The following PPARGC1A variants were observed in gnomAD, a reference collection of about 807,000 sequenced individuals.
PPARGC1A encodes peroxisome proliferator-activated receptor gamma coactivator 1-alpha.
A neutral mutation model predicts 88.7 loss-of-function variants in PPARGC1A; 25 were observed. That is an observed-to-expected ratio of 0.28 (90% CI 0.21 to 0.39). PPARGC1A has a LOEUF of 0.39. Ranked by LOEUF, PPARGC1A falls within the 10% of genes least tolerant of loss-of-function variation. The pLI is 1.00. For synonymous variants in PPARGC1A, 363 were observed against 355.6 expected, an observed-to-expected ratio of 1.02 and a Z score of -0.24; for missense variants, 880 against 968.7, an observed-to-expected ratio of 0.91 and a Z score of 1.22.
At chr4:23,878,380 C>T (rs1235399837) in intron 2 of PPARGC1A, among the ~76,000 whole-genome samples, 1 of 149,466 alleles carries the variant, frequency 6.7e-6, no homozygotes, top group Non-Finnish European at 1.5e-5. Flanking sequence ...CCAATTTCAT[C>T]TCTCCTAGCC....
the PPARGC1A span, among the ~76,000 whole-genome samples, chr4:23,911,140 A>C: frequency 6.6e-6 from 1 of 152,156 alleles, no homozygotes; most frequent in Non-Finnish European, 1.5e-5. Context: ...ACATAGTGAA[A>C]TGCAACAGAG....
chr4:24,270,428 AG>A, the PPARGC1A span, among the ~76,000 whole-genome samples: 6 of 152,224 alleles, frequency 3.9e-5, 1 homozygote, highest in East Asian at 7.7e-4. Context: ...AAAAAGAACC[AG>A]CATATACATT....
At chr4:24,339,889 C>A in the PPARGC1A span, among the ~76,000 whole-genome samples, 4 of 152,008 alleles carry the variant, frequency 2.6e-5, no homozygotes, top group East Asian at 1.9e-4. Flanking sequence ...CAGGCGCCCA[C>A]CACCACCCCC....
the PPARGC1A span, among the ~76,000 whole-genome samples, chr4:24,467,076 GAAA>G: frequency 2.1e-4 from 26 of 126,826 alleles, no homozygotes; most frequent in Middle Eastern, 4.7e-3. Flanking sequence ...AAGAAAGAAA[GAAA>G]GGGAGAGAGA....
the PPARGC1A span, among the ~76,000 whole-genome samples, chr4:23,981,653 G>A: frequency 6.6e-6 from 1 of 152,166 alleles, no homozygotes; most frequent in Non-Finnish European, 1.5e-5. Context: ...CACAACCAGA[G>A]ACCAGAACCC....
chr4:24,238,817 A>G, the PPARGC1A span, among the ~76,000 whole-genome samples: 3 of 150,424 alleles, frequency 2.0e-5, no homozygotes, highest in East Asian at 5.9e-4. Flanking sequence ...CCATATCCAC[A>G]TGCTAAGTGC....
chr4:23,978,395 C>A, the PPARGC1A span, among the ~76,000 whole-genome samples: 1 of 152,058 alleles, frequency 6.6e-6, no homozygotes, highest in East Asian at 1.9e-4. Context: ...ATGTGATGAA[C>A]GAGGCAGCAT....
chr4:23,844,347 T>C (rs899053758), intron 2 of PPARGC1A, among the ~76,000 whole-genome samples: 1 of 138,202 alleles, frequency 7.2e-6, no homozygotes, highest in African/African-American at 2.7e-5. Flanking sequence ...TTATATATTA[T>C]AATATAATAA....
At chr4:24,106,585 G>T in the PPARGC1A span, among the ~76,000 whole-genome samples, 3 of 152,132 alleles carry the variant, frequency 2.0e-5, no homozygotes, top group Non-Finnish European at 2.9e-5. Flanking sequence ...TTACAAAGAA[G>T]TCCCCGATTC....
chr4:24,328,936 A>T, the PPARGC1A span, among the ~76,000 whole-genome samples: 1 of 152,200 alleles, frequency 6.6e-6, no homozygotes, highest in Non-Finnish European at 1.5e-5. Flanking sequence ...ACTGCCTCGG[A>T]CTGGCCACTT....
the PPARGC1A span, among the ~76,000 whole-genome samples, chr4:24,087,307 T>G: frequency 6.6e-5 from 10 of 152,184 alleles, no homozygotes; most frequent in African/African-American, 2.4e-4. Context: ...TCACTTAGTT[T>G]TGACAAACAT....
the PPARGC1A span, among the ~76,000 whole-genome samples, chr4:24,148,678 A>T: frequency 6.6e-6 from 1 of 152,338 alleles, no homozygotes; most frequent in Admixed American, 6.5e-5. Context: ...GGGTAGGTTC[A>T]GGGTCAGAAC....
the PPARGC1A span, among the ~76,000 whole-genome samples, chr4:24,336,985 T>C: frequency 6.6e-6 from 1 of 152,248 alleles, no homozygotes; most frequent in Non-Finnish European, 1.5e-5. Context: ...TCTGCAATTT[T>C]CAATGGTTTC....
the PPARGC1A span, among the ~76,000 whole-genome samples, chr4:24,398,779 T>G: frequency 5.9e-5 from 9 of 152,178 alleles, no homozygotes. Flanking sequence ...GGGGTTAATG[T>G]GCATTTCTCC....
the PPARGC1A span, among the ~76,000 whole-genome samples, chr4:24,163,033 A>G: frequency 1.3e-5 from 2 of 151,922 alleles, no homozygotes; most frequent in African/African-American, 4.8e-5. Flanking sequence ...TTCTAAAAAA[A>G]TAATATTTTA....
chr4:24,028,182 C>A, the PPARGC1A span, among the ~76,000 whole-genome samples: 1 of 152,084 alleles, frequency 6.6e-6, no homozygotes, highest in Non-Finnish European at 1.5e-5. Flanking sequence ...TCATAGTAAG[C>A]CTTATTTTTG....
At chr4:24,139,647 C>G in the PPARGC1A span, among the ~76,000 whole-genome samples, 1 of 152,158 alleles carries the variant, frequency 6.6e-6, no homozygotes, top group Non-Finnish European at 1.5e-5. Context: ...TTCCCATCCT[C>G]CTGGCTCTGA....
chr4:24,046,555 A>T, the PPARGC1A span, among the ~76,000 whole-genome samples: 1 of 151,728 alleles, frequency 6.6e-6, no homozygotes, highest in African/African-American at 2.4e-5. Flanking sequence ...ACCACTGACT[A>T]GCTTAAATTG....
At position 23,795,713 on chromosome 4, in the gene PPARGC1A, T is replaced by G; in HGVS notation, c.*109A>C. On this transcript the variant is annotated 3_prime_UTR_variant, in exon 13 of 13. Coordinates refer to ENST00000264867, the MANE Select transcript of PPARGC1A (RefSeq NM_013261.5). ...TTTTGTTTTGTTTTTGTACAGAGAG[T>G]GTAAAGTAGGAGAAATTCCTAAGTA... 1.3e-6 allele frequency: 1 copy of G among 753,758 alleles called. No individual in the cohort carries two copies. The allele number at this position is 753,758 out of a possible 1,614,324, so 46.7% of individuals were successfully genotyped here. A position where few individuals can be genotyped will look rare whatever the true frequency, so the allele number is the denominator to read the frequency against.
Sources: gnomAD v4.1 joint callset for allele counts (sites outside exome capture counted in the v4.1 genomes callset) on GRCh38, gnomAD v4.1.1 for gene constraint, MANE v1.5 for transcripts, NCBI Gene and HGNC (gene_info 2026-07-23, HGNC 2026-07-21) for gene names.